The following ARID5B variants were observed in gnomAD, a reference collection of about 807,000 sequenced individuals.
ARID5B encodes the protein AT-rich interaction domain 5B.
A neutral mutation model predicts 97.2 loss-of-function variants in ARID5B; 13 were observed. That is an observed-to-expected ratio of 0.13 (90% CI 0.09 to 0.21). The LOEUF (loss-of-function observed/expected upper bound fraction) is 0.21. Among genes scored for constraint, ARID5B ranks in the 10% least tolerant of loss-of-function variants. ARID5B has a pLI of 1.00. For synonymous variants in ARID5B, 556 were observed against 570.3 expected (o/e 0.97, Z 0.36); for missense variants, 1,210 against 1,465.3 (o/e 0.83, Z 2.84).
At chr10:62,078,746 T>A (rs1398262996) in intron 8 of ARID5B, among the ~76,000 whole-genome samples, 2 of 152,200 alleles carry the variant, frequency 1.3e-5, no homozygotes, top group Non-Finnish European at 2.9e-5. Flanking sequence ...ACAACATTAG[T>A]CTAGATGCTC....
intron 3 of ARID5B, among the ~76,000 whole-genome samples, chr10:61,994,785 CGT>C: frequency 1.2e-5 from 1 of 82,228 alleles, no homozygotes; most frequent in East Asian, 4.2e-4. Flanking sequence ...GTTAACAAAA[CGT>C]GTAATTAAGA....
Position 62,000,362 on chromosome 10 carries a change from G to A in ARID5B, c.733+41G>A, listed in dbSNP as rs1170621445. On this transcript the variant is annotated intron_variant, in intron 4 of 9. Coordinates refer to ENST00000279873, the MANE Select transcript of ARID5B (RefSeq NM_032199.3). This position sits in a 1 kb window ranked among gnomAD's most constrained non-coding sequence, Gnocchi z 4.4. ...TTTTTCCTACCTGATTCTTGTGCGT[G>A]TGTGCCTAGTTGTTTTCAGTTCTTC... The A allele has an allele frequency of 6.6e-7, 1 of 1,513,670 alleles. No homozygotes were observed. The highest frequency in any genetic ancestry group is 2.0e-5 in the Admixed American group (1 of 50,192). 93.8% of individuals were successfully genotyped at this position (1,513,670 alleles called of 1,614,324 possible). A position where few individuals can be genotyped will look rare whatever the true frequency, so the allele number is the denominator to read the frequency against.
At chr10:61,914,544 C>T (rs1843865604) in intron 2 of ARID5B, among the ~76,000 whole-genome samples, 1 of 152,094 alleles carries the variant, frequency 6.6e-6, no homozygotes, top group Admixed American at 6.6e-5. Context: ...GTCTTAAAAC[C>T]GAATTCACGC....
intron 4 of ARID5B, among the ~76,000 whole-genome samples, chr10:62,042,011 CTT>C (rs941534445): frequency 6.6e-6 from 1 of 152,144 alleles, no homozygotes; most frequent in African/African-American, 2.4e-5. Context: ...AATTAACTCT[CTT>C]TGTTTAAGAG....
At chr10:62,068,375 G>A (rs1294061347) in intron 7 of ARID5B, among the ~76,000 whole-genome samples, 1 of 152,088 alleles carries the variant, frequency 6.6e-6, no homozygotes, top group African/African-American at 2.4e-5. Context: ...TTGTCTCGAG[G>A]TCCTATTTGG....
intron 4 of ARID5B, among the ~76,000 whole-genome samples, chr10:62,014,553 A>G (rs1466716482): frequency 2.6e-5 from 4 of 152,206 alleles, no homozygotes; most frequent in African/African-American, 7.2e-5. Context: ...AACTACCAAG[A>G]AATTAAGAAA....
At chr10:61,901,783 A>AC in intron 1 of ARID5B, 53 bp downstream of exon 1, 1 of 1,306,208 alleles carries the variant, frequency 7.7e-7, no homozygotes, top group South Asian at 1.2e-5. Flanking sequence ...GCACCCCCCA[A>AC]CCCCCCAGCT....
At chr10:61,970,615 C>T (rs754074546) in intron 3 of ARID5B, among the ~76,000 whole-genome samples, 21 of 152,076 alleles carry the variant, frequency 1.4e-4, no homozygotes, top group African/African-American at 1.2e-4. Context: ...CTGGCAAGAG[C>T]GCCGAGGAGG....
Position 62,000,554 on chromosome 10 carries a change from T to C in ARID5B, c.733+233T>C, listed in dbSNP as rs566365427. Among the ~76,000 whole-genome samples, 2 of 151,862 alleles carry C rather than the reference T, an allele frequency of 1.3e-5. No homozygotes were observed. Among genetic ancestry groups the C allele is most frequent in the African/African-American group, 4.8e-5 (2 of 41,412 alleles). On this transcript the variant is annotated intron_variant, in intron 4 of 9. Coordinates refer to ENST00000279873, the MANE Select transcript of ARID5B (RefSeq NM_032199.3). This position sits in a 1 kb window ranked among gnomAD's most constrained non-coding sequence, Gnocchi z 4.4. ...TTATAATTTGTTGTTCAATGTAGAG[T>C]CTGAAGTTGCTTGGTCGACCTTGAA...
intron 6 of ARID5B, among the ~76,000 whole-genome samples, chr10:62,058,362 A>G (rs1162236218): frequency 6.6e-6 from 1 of 152,202 alleles, no homozygotes; most frequent in African/African-American, 2.4e-5. Flanking sequence ...ATGTTGTGTC[A>G]AAGAGCCTTT....
chr10:62,037,182 G>A (rs1839576505), intron 4 of ARID5B, among the ~76,000 whole-genome samples: 1 of 152,216 alleles, frequency 6.6e-6, no homozygotes, highest in South Asian at 2.1e-4. Context: ...GTAATCCAAA[G>A]TATTAGCAAT....
chr10:61,959,364 G>A (rs1838438334), intron 3 of ARID5B, among the ~76,000 whole-genome samples: 1 of 152,140 alleles, frequency 6.6e-6, no homozygotes, highest in African/African-American at 2.4e-5. Context: ...TGAAGGTAGG[G>A]CAATTTTATC....
intron 3 of ARID5B, among the ~76,000 whole-genome samples, chr10:61,966,457 C>T (rs1564615199): frequency 6.6e-6 from 1 of 152,166 alleles, no homozygotes. Flanking sequence ...ATTTTATTTG[C>T]ATCCATCACA....
chr10:62,083,065 T>A (rs1589290307), intron 8 of ARID5B, among the ~76,000 whole-genome samples: 1 of 149,384 alleles, frequency 6.7e-6, no homozygotes, highest in East Asian at 1.9e-4. Context: ...ACACACACAC[T>A]CTCTCACACA....
intron 7 of ARID5B, among the ~76,000 whole-genome samples, chr10:62,062,079 G>A (rs533095155): frequency 6.6e-6 from 1 of 152,168 alleles, no homozygotes; most frequent in East Asian, 1.9e-4. Context: ...CCTCCTATAA[G>A]TACAGAATAC....
chr10:62,078,574 T>C (rs1375894322), intron 8 of ARID5B, among the ~76,000 whole-genome samples: 2 of 152,234 alleles, frequency 1.3e-5, no homozygotes, highest in Non-Finnish European at 2.9e-5. Context: ...AGAAGAGTCA[T>C]TGCTGCAGTT....
intron 4 of ARID5B, among the ~76,000 whole-genome samples, chr10:62,027,019 G>T (rs1839429157): frequency 1.3e-5 from 2 of 152,196 alleles, no homozygotes; most frequent in Admixed American, 1.3e-4. Flanking sequence ...ACATATGCAT[G>T]ACAAGTTGTA....
chr10:62,060,967 T>A (rs1019091205), intron 7 of ARID5B, among the ~76,000 whole-genome samples: 3 of 152,214 alleles, frequency 2.0e-5, no homozygotes, highest in Admixed American at 2.0e-4. Context: ...GAAGAAAGTT[T>A]AATAAATTTC....
chr10:61,907,234 T>A (rs1337516456), intron 2 of ARID5B, among the ~76,000 whole-genome samples: 2 of 59,450 alleles, frequency 3.4e-5, no homozygotes, highest in Non-Finnish European at 1.0e-4. Context: ...ATCAGCAGGA[T>A]TTTTTTTTTC....
Sources: allele counts gnomAD v4.1 joint callset (sites outside exome capture counted in the v4.1 genomes callset), GRCh38; gene constraint gnomAD v4.1.1; non-coding constraint Gnocchi (gnomAD v3.1); transcripts MANE v1.5; gene names NCBI Gene and HGNC (gene_info 2026-07-23, HGNC 2026-07-21).